Variants in PCSK2 observed in about 807,000 individuals in gnomAD.
The protein encoded by PCSK2 is proprotein convertase subtilisin/kexin type 2, also known as neuroendocrine convertase 2.
PCSK2 carries 14 observed loss-of-function variants against 69.7 expected under a neutral mutation model. The observed-to-expected ratio is 0.20, with a 90% CI of 0.13 to 0.31. The LOEUF (loss-of-function observed/expected upper bound fraction) is 0.31. Among genes scored for constraint, PCSK2 ranks in the 10% least tolerant of loss-of-function variants. The pLI is 1.00. For missense variants in PCSK2, 544 were observed against 842.5 expected, an observed-to-expected ratio of 0.65 and a Z score of 4.39; for synonymous variants, 307 against 320.7, an observed-to-expected ratio of 0.96 and a Z score of 0.46.
chr20:17,229,036 C>T (rs988014329), intron 1 of PCSK2, among the ~76,000 whole-genome samples: 1 of 152,092 alleles, frequency 6.6e-6, no homozygotes, highest in African/African-American at 2.4e-5. Flanking sequence ...CACTCCCCCC[C>T]ACCCCAAACT....
intron 2 of PCSK2, among the ~76,000 whole-genome samples, chr20:17,322,989 A>G (rs1342043344): frequency 1.3e-5 from 2 of 152,032 alleles, no homozygotes; most frequent in Non-Finnish European, 2.9e-5. Context: ...TCACTCTCCC[A>G]GAGTAGCTGG....
intron 2 of PCSK2, among the ~76,000 whole-genome samples, chr20:17,338,476 T>C (rs1990422212): frequency 6.6e-6 from 1 of 152,076 alleles, no homozygotes; most frequent in Non-Finnish European, 1.5e-5. Flanking sequence ...ATTACCAGTG[T>C]GAGCCACCGT....
At chr20:17,437,534 A>G (rs777776636) in intron 8 of PCSK2, among the ~76,000 whole-genome samples, 2 of 152,228 alleles carry the variant, frequency 1.3e-5, no homozygotes, top group Non-Finnish European at 2.9e-5. Flanking sequence ...AGGCTCAGGG[A>G]CCAGAGGATT....
intron 6 of PCSK2, 26 bp from the exon 7 acceptor site, chr20:17,429,409 T>C (rs775034190): frequency 1.3e-6 from 2 of 1,584,628 alleles, no homozygotes; most frequent in Non-Finnish European, 1.7e-6. Context: ...ACTGCATATC[T>C]AATGTGTCTT....
intron 11 of PCSK2, 38 bp downstream of exon 11, chr20:17,465,591 A>G (rs1474068335): frequency 2.3e-6 from 3 of 1,294,754 alleles, no homozygotes; most frequent in Non-Finnish European, 3.2e-6. Context: ...GCATGTGGAA[A>G]GTGCCCCTGA....
At chr20:17,228,933 C>G (rs1299828673) in intron 1 of PCSK2, among the ~76,000 whole-genome samples, 1 of 152,130 alleles carries the variant, frequency 6.6e-6, no homozygotes, top group Non-Finnish European at 1.5e-5. Context: ...AAGAAGGCGC[C>G]GGCGGAGGGA....
intron 2 of PCSK2, among the ~76,000 whole-genome samples, chr20:17,315,211 C>G (rs1293958429): frequency 2.6e-5 from 4 of 151,854 alleles, no homozygotes; most frequent in Admixed American, 6.6e-5. Flanking sequence ...CTGCCTGACT[C>G]TCTCAGTGTG....
At chr20:17,434,911 TTAAA>T (rs2032452733) in intron 7 of PCSK2, among the ~76,000 whole-genome samples, 1 of 152,178 alleles carries the variant, frequency 6.6e-6, no homozygotes, top group Non-Finnish European at 1.5e-5. Flanking sequence ...GTCACCTGCA[TTAAA>T]TAAAGTTTTT....
At chr20:17,430,620 G>C (rs1395408356) in intron 7 of PCSK2, among the ~76,000 whole-genome samples, 2 of 152,216 alleles carry the variant, frequency 1.3e-5, no homozygotes, top group African/African-American at 2.4e-5. Flanking sequence ...AGGAGGCTTA[G>C]CCCCTGGGTT....
chr20:17,347,185 CTT>C (rs1568611690), intron 2 of PCSK2, among the ~76,000 whole-genome samples: 1 of 152,174 alleles, frequency 6.6e-6, no homozygotes, highest in Non-Finnish European at 1.5e-5. Context: ...TCTTTGAAAA[CTT>C]AAGCTGTGTA....
chr20:17,428,967 C>T (rs2032304903), intron 6 of PCSK2, among the ~76,000 whole-genome samples: 1 of 119,476 alleles, frequency 8.4e-6, no homozygotes, highest in Non-Finnish European at 1.6e-5. Context: ...CCACTGCATT[C>T]CAGCCTGGGT....
chr20:17,436,959 G>A, intron 8 of PCSK2, 76 bp downstream of exon 8: 2 of 1,254,384 alleles, frequency 1.6e-6, no homozygotes, highest in Non-Finnish European at 1.1e-6. Context: ...ATGCAACTGG[G>A]TGAACCACTG....
intron 2 of PCSK2, among the ~76,000 whole-genome samples, chr20:17,307,414 A>G (rs944233006): frequency 1.3e-5 from 2 of 152,240 alleles, no homozygotes; most frequent in African/African-American, 4.8e-5. Flanking sequence ...CACGGTCATA[A>G]GAATGAGCCA....
At chr20:17,262,636 T>C (rs1002689432) in intron 2 of PCSK2, among the ~76,000 whole-genome samples, 1 of 152,168 alleles carries the variant, frequency 6.6e-6, no homozygotes, top group African/African-American at 2.4e-5. Context: ...AGTGCAAAGA[T>C]AGTAAACTAA....
chr20:17,479,104 A>G (rs1461576619), intron 11 of PCSK2: 1 of 1,333,844 alleles, frequency 7.5e-7, no homozygotes, highest in Non-Finnish European at 1.1e-6. Context: ...AGCAATGGCA[A>G]AAACATTGAC....
intron 6 of PCSK2, among the ~76,000 whole-genome samples, chr20:17,419,392 G>C (rs1043637849): frequency 1.3e-5 from 2 of 152,128 alleles, no homozygotes; most frequent in African/African-American, 2.4e-5. Context: ...TTTTCAAAAA[G>C]AGTATAATTT....
At chr20:17,474,509 C>T (rs1216448914) in intron 11 of PCSK2, among the ~76,000 whole-genome samples, 2 of 152,202 alleles carry the variant, frequency 1.3e-5, no homozygotes, top group Non-Finnish European at 2.9e-5. Context: ...ACACCACTCA[C>T]TCTCAAATAA....
intron 5 of PCSK2, among the ~76,000 whole-genome samples, chr20:17,382,553 T>C (rs907870022): frequency 1.3e-5 from 2 of 152,126 alleles, no homozygotes; most frequent in Non-Finnish European, 2.9e-5. Context: ...GCTGCTCCCT[T>C]CTTTTTCCCC....
intron 5 of PCSK2, among the ~76,000 whole-genome samples, chr20:17,390,811 C>T (rs1489785363): frequency 6.6e-6 from 1 of 152,180 alleles, no homozygotes; most frequent in Non-Finnish European, 1.5e-5. Flanking sequence ...CTCTCCTTTT[C>T]CTCCTCTATA....
Sources: allele counts gnomAD v4.1 joint callset (sites outside exome capture counted in the v4.1 genomes callset), GRCh38; gene constraint gnomAD v4.1.1; transcripts MANE v1.5; gene names NCBI Gene and HGNC (gene_info 2026-07-23, HGNC 2026-07-21).